The following ENPP2 variants were observed in gnomAD, a reference collection of about 807,000 sequenced individuals.
The protein encoded by ENPP2 is autotaxin.
ENPP2 carries 51 observed loss-of-function variants against 120.2 expected under a neutral mutation model. The observed-to-expected ratio is 0.42, with a 90% CI of 0.34 to 0.54. The LOEUF (loss-of-function observed/expected upper bound fraction) is 0.54. ENPP2 is among the 20% of genes least tolerant of loss of function. The probability of loss-of-function intolerance (pLI) is 0.04; values close to 1 mark genes in which losing one functional copy is unlikely to be tolerated. For synonymous variants in ENPP2, 365 were observed against 366.4 expected, an observed-to-expected ratio of 1.00 and a Z score of 0.04; for missense variants, 920 against 1,066.5, an observed-to-expected ratio of 0.86 and a Z score of 1.91.
rs1192584568 is a variant in ENPP2, at chr8:119,568,245, G to C, written c.2061C>G (p.Ser687Arg). The change falls in exon 22 of 25, where the codon AGC becomes AGG. Residue 687 changes from serine (S) to arginine (R), a missense_variant. Transcript: ENST00000075322. Reference sequence around the variant, plus strand: ...CATCATATTTAGCCTCTGGTGAAGAGCTCAGATCTAAACATTAGGAAAACA... The same window carrying C: ...CATCATATTTAGCCTCTGGTGAAGACCTCAGATCTAAACATTAGGAAAACA... ...SYGFLFPPYL[S>R]SSPEAKYDAF... 3 of 1,576,196 alleles carry C rather than the reference G, an allele frequency of 1.9e-6. No individual in the cohort carries two copies. The highest frequency in any genetic ancestry group is 2.3e-5 in the East Asian group (1 of 44,442).
In ENPP2 at chr8:119,560,132, A is replaced by G. The variant is rs189516901; in HGVS notation, c.2422-2441T>C. On this transcript the variant is annotated intron_variant, in intron 24 of 24. Coordinates refer to ENST00000075322, the MANE Select transcript of ENPP2 (RefSeq NM_001040092.3). ...CTCTAATGACCGAACTTGAACATCTATTCCCCAGGAATCTAGGTACACCTT... is the reference window on the plus strand; with the variant it reads ...CTCTAATGACCGAACTTGAACATCTGTTCCCCAGGAATCTAGGTACACCTT... Among the ~76,000 whole-genome samples, 11 of 152,328 alleles carry G rather than the reference A, an allele frequency of 7.2e-5. No homozygotes were observed. The East Asian group carries it at 1.9e-3, about 27-fold the overall frequency.
chr8:119,605,974 A>C (rs903794224), intron 9 of ENPP2, among the ~76,000 whole-genome samples: 1 of 152,210 alleles, frequency 6.6e-6, no homozygotes, highest in Non-Finnish European at 1.5e-5. Context: ...ATGAAATACT[A>C]TCATTTAAAA....
At chr8:119,653,731 A>T (rs548881894) in intron 1 of ENPP2, among the ~76,000 whole-genome samples, 1 of 152,250 alleles carries the variant, frequency 6.6e-6, no homozygotes, top group African/African-American at 2.4e-5. Flanking sequence ...TTAATCAGAC[A>T]ATGACATGGT....
intron 1 of ENPP2, among the ~76,000 whole-genome samples, chr8:119,646,604 T>C (rs970977186): frequency 2.0e-5 from 3 of 152,202 alleles, no homozygotes; most frequent in Non-Finnish European, 4.4e-5. Context: ...AGACCTTATA[T>C]GACCCTTAGG....
chr8:119,668,985 T>C (rs766021826), intron 1 of ENPP2, among the ~76,000 whole-genome samples: 81 of 152,248 alleles, frequency 5.3e-4, no homozygotes, highest in Middle Eastern at 3.2e-3. Flanking sequence ...TAAGACTTTT[T>C]ATATCCATCT....
chr8:119,559,560 A>T (rs1587307286), intron 24 of ENPP2, among the ~76,000 whole-genome samples: 1 of 152,214 alleles, frequency 6.6e-6, no homozygotes, highest in East Asian at 1.9e-4. Context: ...AATACTAGCT[A>T]TGTGGCATGT....
At chr8:119,579,985 T>A (rs1812617886) in intron 19 of ENPP2, 131 bp downstream of exon 19, 2 of 732,234 alleles carry the variant, frequency 2.7e-6, no homozygotes, top group East Asian at 2.5e-5. Context: ...CAGATAGGTA[T>A]GAAAGTCACT....
intron 1 of ENPP2, among the ~76,000 whole-genome samples, chr8:119,644,547 T>C (rs1262015862): frequency 2.1e-5 from 3 of 141,850 alleles, no homozygotes; most frequent in African/African-American, 7.7e-5. Flanking sequence ...ACAGAGCTAA[T>C]AGCTTTAAAC....
intron 9 of ENPP2, among the ~76,000 whole-genome samples, chr8:119,606,988 T>G (rs1175483098): frequency 6.6e-6 from 1 of 152,200 alleles, no homozygotes; most frequent in Non-Finnish European, 1.5e-5. Context: ...GTAAGATTCA[T>G]CTTAAGGCTT....
At chr8:119,619,419 A>C in intron 4 of ENPP2, 115 bp from the exon 5 acceptor site, 2 of 46,898 alleles carry the variant, frequency 4.3e-5, no homozygotes, top group Admixed American at 1.5e-3. Context: ...GGATATAACA[A>C]AAAAAAAAAA....
At chr8:119,557,734 A>C (rs772640181) in intron 24 of ENPP2, 43 bp from the exon 25 acceptor site, 16 of 1,501,908 alleles carry the variant, frequency 1.1e-5, no homozygotes, top group Non-Finnish European at 1.4e-5. Flanking sequence ...AATTTTCCAG[A>C]GGAGTTTCTC....
At position 119,648,588 on chromosome 8, in the gene ENPP2, G is replaced by T. The variant is rs564013770; in HGVS notation, c.22-10061C>A. Among the ~76,000 whole-genome samples, 79 of 152,262 alleles carry T rather than the reference G, an allele frequency of 5.2e-4. 2 individuals are homozygous for T. The highest frequency in any genetic ancestry group is 1.5e-3 in the East Asian group (8 of 5,170). On this transcript the variant is annotated intron_variant, in intron 1 of 25. Coordinates refer to the ENPP2 transcript ENST00000427067. ...ATCTAAAAGGAAGTTTACACTTGCCGCTGCAAAGGTGTCATCACGTGCTTA... is the reference window on the plus strand; with the variant it reads ...ATCTAAAAGGAAGTTTACACTTGCCTCTGCAAAGGTGTCATCACGTGCTTA...
chr8:119,665,777 T>C (rs1818051007), intron 1 of ENPP2, among the ~76,000 whole-genome samples: 1 of 152,200 alleles, frequency 6.6e-6, no homozygotes, highest in Non-Finnish European at 1.5e-5. Context: ...AAAGTTAGCC[T>C]TTTTTTAACT....
Position 119,570,832 on chromosome 8 carries a change from A to C in ENPP2, c.1790T>G (p.Leu597Arg), listed in dbSNP as rs534341452. The C allele has an allele frequency of 3.2e-6, 5 of 1,549,258 alleles. No individual in the cohort carries two copies. The East Asian group carries it at 1.2e-4, about 37-fold the overall frequency. Reference protein sequence around the residue: ...HTKGSTEERHLLYGRPAVLYR... With the variant: ...HTKGSTEERHRLYGRPAVLYR... ...AAGCACTGCAGGTCGCCCATAGAGG[A>C]GGTGTCTCTCTAAAAAAGAAAAAAA... is the stretch of plus-strand genomic sequence containing the variant. Residue 597 changes from leucine (L) to arginine (R), a missense_variant, in exon 20 of 25, where the codon CTC (leucine) becomes CGC (arginine). Leu to Arg is a moderately radical substitution (Grantham distance 102). Coordinates refer to ENST00000075322, the MANE Select transcript of ENPP2 (RefSeq NM_001040092.3).
rs766300020 is a variant in ENPP2 at position 119,569,315 on chromosome 8, C to T, written c.1973G>A (p.Arg658His). The change falls in exon 21 of 25, where the codon CGT (arginine) becomes CAT (histidine). Residue 658 changes from arginine (R) to histidine (H), a missense_variant. Physicochemically the swap from Arg to His is conservative, Grantham distance 29. Transcript: ENST00000075322. The part of the protein sequence containing the change: ...HLTSCVRPDV[R>H]VSPSFSQNCL... ...GTTCTGACTGAAACTCGGAGAAACA[C>T]GGACATCAGGCCGGACGCAACTGGT... The T allele has an allele frequency of 1.9e-5, 31 of 1,613,876 alleles. No homozygotes were observed. The highest frequency in any genetic ancestry group is 8.9e-5 in the East Asian group (4 of 44,858).
At chr8:119,594,655 A>C (rs1324509948) in intron 11 of ENPP2, among the ~76,000 whole-genome samples, 1 of 152,340 alleles carries the variant, frequency 6.6e-6, no homozygotes, top group East Asian at 1.9e-4. Flanking sequence ...GTCCTCACAT[A>C]CTAGAGGCTC....
intron 8 of ENPP2, among the ~76,000 whole-genome samples, chr8:119,614,190 C>T (rs1011344333): frequency 1.3e-4 from 19 of 151,488 alleles, no homozygotes; most frequent in African/African-American, 3.9e-4. Context: ...CTCAGCCTCC[C>T]GAGTAGCTAG....
intron 2 of ENPP2, among the ~76,000 whole-genome samples, chr8:119,634,286 C>A (rs753761458): frequency 6.6e-6 from 1 of 152,000 alleles, no homozygotes; most frequent in Non-Finnish European, 1.5e-5. Flanking sequence ...AAGATTTCTA[C>A]GTAATTGAAG....
At chr8:119,615,939 A>T (rs1373125555) in intron 8 of ENPP2, among the ~76,000 whole-genome samples, 1 of 152,130 alleles carries the variant, frequency 6.6e-6, no homozygotes, top group African/African-American at 2.4e-5. Context: ...ACAAAGATGC[A>T]TGCATATATA....
Sources: gnomAD v4.1 joint callset for allele counts (sites outside exome capture counted in the v4.1 genomes callset) on GRCh38, gnomAD v4.1.1 for gene constraint, MANE v1.5 for transcripts, NCBI Gene and HGNC (gene_info 2026-07-23, HGNC 2026-07-21) for gene names.